Variants in MKLN1 observed in about 807,000 individuals in gnomAD.
MKLN1 encodes muskelin 1, also known as muskelin.
MKLN1 carries 18 observed loss-of-function variants against 99.0 expected under a neutral mutation model. That is an observed-to-expected ratio of 0.18 (90% CI 0.13 to 0.27). The LOEUF (loss-of-function observed/expected upper bound fraction) is 0.27, where lower values mean the gene tolerates loss of function less well. Ranked by LOEUF, MKLN1 falls within the 10% of genes least tolerant of loss-of-function variation. The pLI, the probability that MKLN1 is intolerant of heterozygous loss-of-function variation, is 1.00. For missense variants in MKLN1, 621 were observed against 875.9 expected, an observed-to-expected ratio of 0.71 and a Z score of 3.67; for synonymous variants, 288 against 293.2, an observed-to-expected ratio of 0.98 and a Z score of 0.18.
intron 1 of MKLN1, among the ~76,000 whole-genome samples, chr7:131,360,239 C>T (rs1253794228): frequency 6.6e-6 from 1 of 152,006 alleles, no homozygotes; most frequent in Non-Finnish European, 1.5e-5. Flanking sequence ...TTTTTATCTA[C>T]TCTAACAGCC....
At chr7:131,177,095 T>C (rs567280988) in intron 2 of MKLN1, among the ~76,000 whole-genome samples, 35 of 152,350 alleles carry the variant, frequency 2.3e-4, no homozygotes, top group Non-Finnish European at 4.3e-4. Flanking sequence ...GAACAGACTG[T>C]TTCCAGCATC....
chr7:131,457,368 A>G (rs560407338), intron 12 of MKLN1, among the ~76,000 whole-genome samples: 1 of 152,298 alleles, frequency 6.6e-6, no homozygotes, highest in East Asian at 1.9e-4. Flanking sequence ...ATGAAATAAG[A>G]TCCAAACATT....
intron 9 of MKLN1, among the ~76,000 whole-genome samples, chr7:131,437,070 T>A (rs892539538): frequency 1.3e-5 from 2 of 152,082 alleles, no homozygotes; most frequent in Non-Finnish European, 2.9e-5. Context: ...ATTTTATTTT[T>A]TTTATTTTTT....
At chr7:131,365,180 G>A (rs1262118160) in intron 1 of MKLN1, among the ~76,000 whole-genome samples, 1 of 152,096 alleles carries the variant, frequency 6.6e-6, no homozygotes, top group Non-Finnish European at 1.5e-5. Context: ...TCTCATTGTG[G>A]TTTTGATTTG....
rs922977474 is a variant in MKLN1, at chr7:131,491,471, A to C, written c.*3743A>C. The C allele has an allele frequency of 1.3e-5, 2 of 152,106 alleles. No homozygotes were observed. The highest frequency in any genetic ancestry group is 2.9e-5 in the Non-Finnish European group (2 of 67,998). 9.4% of individuals were successfully genotyped at this position (152,106 alleles called of 1,614,324 possible). ...AACACAAAAGATTTTTGTTATCCTTATTAGTCAAATAACGCTATTCTTTTG... is the reference window on the plus strand; with the variant it reads ...AACACAAAAGATTTTTGTTATCCTTCTTAGTCAAATAACGCTATTCTTTTG... On this transcript the variant is annotated 3_prime_UTR_variant, in exon 18 of 18. Coordinates refer to ENST00000352689, the MANE Select transcript of MKLN1 (RefSeq NM_013255.5).
At chr7:131,216,873 G>A (rs867067850) in intron 3 of MKLN1, among the ~76,000 whole-genome samples, 30 of 152,138 alleles carry the variant, frequency 2.0e-4, no homozygotes, top group African/African-American at 5.3e-4. Context: ...GCCTCCTCAC[G>A]AAAATAACTC....
At chr7:131,169,076 G>A (rs542420655) in intron 2 of MKLN1, among the ~76,000 whole-genome samples, 19 of 152,228 alleles carry the variant, frequency 1.2e-4, no homozygotes, top group African/African-American at 4.6e-4. Flanking sequence ...CTATTGGCCA[G>A]GCTGGTCTCC....
chr7:131,400,741 T>C (rs1019925704), intron 6 of MKLN1, among the ~76,000 whole-genome samples: 8 of 151,988 alleles, frequency 5.3e-5, no homozygotes, highest in African/African-American at 1.9e-4. Context: ...TAAAGGTCTC[T>C]TTAGTGACGT....
chr7:131,365,680 A>G (rs892119147), intron 1 of MKLN1, among the ~76,000 whole-genome samples: 4 of 152,032 alleles, frequency 2.6e-5, no homozygotes, highest in Admixed American at 6.6e-5. Flanking sequence ...AGTTACCCCA[A>G]CATCATTTAT....
intron 3 of MKLN1, among the ~76,000 whole-genome samples, chr7:131,223,830 G>A (rs548139486): frequency 1.6e-4 from 25 of 152,004 alleles, no homozygotes; most frequent in Admixed American, 6.6e-4. Context: ...ACAGTGGTGC[G>A]ATCTCGGCTT....
intron 6 of MKLN1, among the ~76,000 whole-genome samples, chr7:131,404,307 G>C (rs1265565384): frequency 1.3e-5 from 2 of 152,144 alleles, no homozygotes; most frequent in African/African-American, 4.8e-5. Flanking sequence ...AACTGGACCT[G>C]AAGTTACCTT....
chr7:131,469,365 A>G (rs1364184556), intron 15 of MKLN1, among the ~76,000 whole-genome samples: 1 of 152,128 alleles, frequency 6.6e-6, no homozygotes, highest in Non-Finnish European at 1.5e-5. Context: ...GAATCTTCTT[A>G]GAAAGCATTT....
At position 131,463,362 on chromosome 7, in the gene MKLN1, T is replaced by C; in HGVS notation, c.1671T>C (p.Ser557=). The C allele has an allele frequency of 6.2e-7, 1 of 1,610,784 alleles. No individual in the cohort carries two copies. The highest frequency in any genetic ancestry group is 8.5e-7 in the Non-Finnish European group (1 of 1,178,844). The change falls in exon 13 of 18, where the codon AGT becomes AGC. Residue 557 remains serine, a splice_region_variant and synonymous_variant. Coordinates refer to ENST00000352689, the MANE Select transcript of MKLN1 (RefSeq NM_013255.5). ...GGATTTATGACATTGTGAGGAATAG[T>C]TGGTAAGGAACTCTTGTCTCTGCTG... The part of the protein sequence containing the change: ...SFWIYDIVRN[S]WSCVYKNDQA...
At chr7:131,275,137 C>T (rs1024491345) in intron 3 of MKLN1, among the ~76,000 whole-genome samples, 1 of 152,018 alleles carries the variant, frequency 6.6e-6, no homozygotes, top group African/African-American at 2.4e-5. Context: ...GTTCTGGAGA[C>T]TGGAAATCCT....
intron 3 of MKLN1, among the ~76,000 whole-genome samples, chr7:131,310,976 CTG>C (rs1266620510): frequency 6.6e-6 from 1 of 151,568 alleles, no homozygotes; most frequent in African/African-American, 2.4e-5. Flanking sequence ...TTTCTTGACT[CTG>C]GAAGACAAAA....
Position 131,182,229 on chromosome 7 carries a change from G to A in MKLN1, c.-296-20628G>A, listed in dbSNP as rs907130499. Among the ~76,000 whole-genome samples the A allele has an allele frequency of 5.9e-5, 9 of 152,288 alleles. No homozygotes were observed. In the East Asian group the frequency reaches 1.7e-3, roughly 29 times the overall value. ...ATGTTGACAAAATGCTTCAAACCTG[G>A]ATACCAGTCCTGCAGTTGACACTGT... On this transcript the variant is annotated intron_variant, in intron 2 of 7. Transcript: ENST00000416992.
upstream of MKLN1, among the ~76,000 whole-genome samples, chr7:131,323,087 A>G (rs1798816489): frequency 6.6e-6 from 1 of 152,140 alleles, no homozygotes; most frequent in African/African-American, 2.4e-5. Context: ...ATTTTGTTGG[A>G]TCTGCATTTT....
intron 8 of MKLN1, among the ~76,000 whole-genome samples, chr7:131,422,584 A>T (rs773769767): frequency 4.6e-5 from 7 of 152,214 alleles, no homozygotes; most frequent in African/African-American, 7.2e-5. Flanking sequence ...GAACACCTTC[A>T]CTAGAGTAAA....
At chr7:131,366,899 T>A (rs1800198582) in intron 1 of MKLN1, among the ~76,000 whole-genome samples, 1 of 152,236 alleles carries the variant, frequency 6.6e-6, no homozygotes, top group Admixed American at 6.5e-5. Context: ...GTTTTTAATT[T>A]GCTGACTTGA....
Sources: gnomAD v4.1 joint callset for allele counts (sites outside exome capture counted in the v4.1 genomes callset) on GRCh38, gnomAD v4.1.1 for gene constraint, MANE v1.5 for transcripts, NCBI Gene and HGNC (gene_info 2026-07-23, HGNC 2026-07-21) for gene names.